Variants in CASK observed in about 807,000 individuals in gnomAD.
CASK encodes peripheral plasma membrane protein CASK.
Under a neutral mutation model 82.9 loss-of-function variants are expected in CASK, and 4 were observed. The ratio of observed to expected loss-of-function variants is 0.05; its 90% CI spans 0.02 to 0.11. CASK has a LOEUF of 0.11. Among genes scored for constraint, CASK ranks in the 10% least tolerant of loss-of-function variants. The pLI is 1.00. For missense variants in CASK, 358 were observed against 720.9 expected (o/e 0.50, Z 5.76); for synonymous variants, 259 against 253.5 (o/e 1.02, Z -0.20).
intron 6 of CASK, among the ~76,000 whole-genome samples, chrX:41,668,228 TAG>T (rs1306757131): frequency 1.8e-5 from 2 of 111,635 alleles, no homozygotes; most frequent in Admixed American, 1.9e-4. Flanking sequence ...TATGGGAATA[TAG>T]AGAGAAGGAA....
chrX:41,833,492 T>C (rs1224668581), intron 2 of CASK, among the ~76,000 whole-genome samples: 1 of 110,137 alleles, frequency 9.1e-6, no homozygotes, highest in South Asian at 3.9e-4. Context: ...GGGGGGAAAA[T>C]AGTGGGTGTC....
At chrX:41,848,509 C>T (rs1168949419) in intron 2 of CASK, among the ~76,000 whole-genome samples, 2 of 112,058 alleles carry the variant, frequency 1.8e-5, no homozygotes, top group African/African-American at 6.5e-5. Flanking sequence ...CCTTCCCCTT[C>T]CACCAGGACT....
chrX:41,522,529 G>A (rs767077219), intron 26 of CASK, among the ~76,000 whole-genome samples: 1 of 111,705 alleles, frequency 9.0e-6, no homozygotes, highest in Admixed American at 9.5e-5. Flanking sequence ...TGCAAAAAAC[G>A]CCATTTTAGC....
At chrX:41,628,749 T>C (rs1270121280) in intron 9 of CASK, among the ~76,000 whole-genome samples, 1 of 112,563 alleles carries the variant, frequency 8.9e-6, no homozygotes, top group African/African-American at 3.2e-5. Flanking sequence ...AAGGTTCTTA[T>C]GCAGAATTAT....
At chrX:41,848,253 T>C (rs1233692883) in intron 2 of CASK, among the ~76,000 whole-genome samples, 2 of 111,781 alleles carry the variant, frequency 1.8e-5, no homozygotes, top group Admixed American at 1.9e-4. Context: ...TTGCTATAGT[T>C]GGGATGTTTG....
chrX:41,727,639 A>G, intron 5 of CASK: 1 of 1,209,738 alleles, frequency 8.3e-7, no homozygotes, highest in Non-Finnish European at 1.1e-6. Flanking sequence ...TGCAGGTCTC[A>G]TTGGAACCAC....
chrX:41,523,908 T>C (rs756963623), intron 26 of CASK, 43 bp downstream of exon 26: 1 of 973,467 alleles, frequency 1.0e-6, no homozygotes, highest in Non-Finnish European at 1.5e-6. Flanking sequence ...GAGTAAGGCT[T>C]GATCCTTACA....
At position 41,739,392 on chromosome X, in the gene CASK, C is replaced by A; in HGVS notation, c.421G>T (p.Asp141Tyr). ...GATAACAAATGACTTACCTTCACAT[C>A]CCTGTGAATTATGTTATTATCATGG... ...YCHDNNIIHR[D>Y]VKPHCVLLAS... Residue 141 changes from aspartate (D) to tyrosine (Y), a missense_variant, in exon 5 of 27, where the codon GAT becomes TAT. By Grantham distance (160) the Asp-to-Tyr change is radical (BLOSUM62 -3). Around this residue, in one of 5 missense-constraint regions of CASK, gnomAD observed 70 missense variants for 228.4 expected, o/e 0.31. Transcript: ENST00000378163. The A allele has an allele frequency of 8.7e-7, 1 of 1,154,454 alleles. No individual in the cohort carries two copies. The highest frequency in any genetic ancestry group is 1.2e-6 in the Non-Finnish European group (1 of 843,902).
chrX:41,576,709 T>A (rs187540579), intron 15 of CASK, among the ~76,000 whole-genome samples: 2 of 111,998 alleles, frequency 1.8e-5, no homozygotes, highest in Admixed American at 1.9e-4. Context: ...AGGTGGGATC[T>A]TGGGGATCAT....
At chrX:41,840,730 C>G (rs1229513253) in intron 2 of CASK, among the ~76,000 whole-genome samples, 1 of 111,721 alleles carries the variant, frequency 9.0e-6, no homozygotes, top group Non-Finnish European at 1.9e-5. Flanking sequence ...TTGTAGACTT[C>G]TTTATCAAGT....
chrX:41,551,488 C>T (rs1249032077), intron 21 of CASK, among the ~76,000 whole-genome samples: 2 of 111,588 alleles, frequency 1.8e-5, no homozygotes, highest in African/African-American at 6.5e-5. Context: ...AGATCTTAAC[C>T]TTGGTTCTCT....
chrX:41,626,330 G>T (rs2066375023), intron 10 of CASK, among the ~76,000 whole-genome samples: 1 of 110,825 alleles, frequency 9.0e-6, no homozygotes, highest in African/African-American at 3.3e-5. Context: ...GGAGTGCAAT[G>T]CTGGGTCTAG....
rs929582800 is a variant in CASK at position 41,518,420 on chromosome X, G to C, written c.*2000C>G. On this transcript the variant is annotated 3_prime_UTR_variant, in exon 27 of 27. Coordinates refer to ENST00000378163, the MANE Select transcript of CASK (RefSeq NM_001367721.1). ...CTTTGAAGGTTTCTCTCTCTATCTA[G>C]TGTGAGACCACTGTTGAGCTTATCT... is the stretch of plus-strand genomic sequence containing the variant. 4.5e-5 allele frequency: 5 copies of C among 109,981 alleles called. No homozygotes were observed. Among genetic ancestry groups the C allele is most frequent in the Non-Finnish European group, 9.5e-5 (5 of 52,893 alleles). The allele number at this position is 109,981 out of a possible 1,213,427, so 9.1% of individuals were successfully genotyped here.
At position 41,762,639 on chromosome X, in the gene CASK, A is replaced by T. The variant is rs774409116; in HGVS notation, c.279-17038T>A. On this transcript the variant is annotated intron_variant, in intron 3 of 26. Coordinates refer to ENST00000378163, the MANE Select transcript of CASK (RefSeq NM_001367721.1). ...CATTCCCTCTATGTTCTACTTCTAGAATTCCTGTTTATGTGTGTTGGATAT... is the reference window on the plus strand; with the variant it reads ...CATTCCCTCTATGTTCTACTTCTAGTATTCCTGTTTATGTGTGTTGGATAT... 2.7e-5 allele frequency among the ~76,000 whole-genome samples: 3 copies of T among 111,804 alleles called. No individual in the cohort carries two copies. The East Asian group carries it at 8.4e-4, about 31-fold the overall frequency.
At chrX:41,858,185 C>A (rs2071407836) in intron 1 of CASK, among the ~76,000 whole-genome samples, 1 of 111,837 alleles carries the variant, frequency 8.9e-6, no homozygotes, top group Non-Finnish European at 1.9e-5. Context: ...CCCAGGAATG[C>A]AAGGAAGGGA....
intron 2 of CASK, among the ~76,000 whole-genome samples, chrX:41,807,516 C>T (rs927574555): frequency 8.9e-6 from 1 of 111,752 alleles, no homozygotes; most frequent in Admixed American, 9.5e-5. Flanking sequence ...TTAATTGTCC[C>T]AGCTGCTCAC....
chrX:41,864,268 T>C lies in CASK; in HGVS notation c.60-11041A>G, dbSNP rs941889534. Among the ~76,000 whole-genome samples, 16 of 112,033 alleles carry C rather than the reference T, an allele frequency of 1.4e-4. 1 individual carries two copies. Among genetic ancestry groups the C allele is most frequent in the Middle Eastern group, 4.6e-3 (1 of 217 alleles). On this transcript the variant is annotated intron_variant, in intron 1 of 26. Transcript: ENST00000378163. ...ATCAGGATTATACAAAATTATACTG[T>C]AAAACAGAAACAAAAATGTAATTAC...
At position 41,841,609 on chromosome X, in the gene CASK, G is replaced by A. The variant is rs192824349; in HGVS notation, c.172+11506C>T. On this transcript the variant is annotated intron_variant, in intron 2 of 26. Coordinates refer to ENST00000378163, the MANE Select transcript of CASK (RefSeq NM_001367721.1). ...TGGCTCACTGCAACCTCTGCCTCTT[G>A]AGTTCAGGAAATTCTCATGTCTCAG... 3.0e-3 allele frequency among the ~76,000 whole-genome samples: 309 copies of A among 104,360 alleles called. 1 individual carries two copies. Among genetic ancestry groups the A allele is most frequent in the Admixed American group, 5.4e-3 (50 of 9,336 alleles). The allele number at this position is 104,360 out of a possible 115,157, so 90.6% of individuals were successfully genotyped here.
chrX:41,786,794 C>A, intron 3 of CASK: 1 of 191,331 alleles, frequency 5.2e-6, no homozygotes, highest in Non-Finnish European at 9.7e-6. Context: ...AAAAGAGGAA[C>A]TAAGTCTGTC....
Sources: allele counts gnomAD v4.1 joint callset (sites outside exome capture counted in the v4.1 genomes callset), GRCh38; gene constraint gnomAD v4.1.1; regional missense constraint gnomAD v4.1.1; transcripts MANE v1.5; gene names NCBI Gene and HGNC (gene_info 2026-07-23, HGNC 2026-07-21).